Variants in PAIP1 observed in about 807,000 individuals in gnomAD.
PAIP1 encodes poly(A) binding protein interacting protein 1.
PAIP1 carries 16 observed loss-of-function variants against 61.3 expected under a neutral mutation model. The observed-to-expected ratio is 0.26, with a 90% CI of 0.18 to 0.40. PAIP1 has a LOEUF of 0.40. PAIP1 is among the 10% of genes least tolerant of loss of function. The pLI is 1.00. For missense variants in PAIP1, 416 were observed against 600.9 expected (o/e 0.69, Z 3.22); for synonymous variants, 187 against 226.2 (o/e 0.83, Z 1.56).
In PAIP1 at chr5:43,540,750, A is replaced by T. The variant is rs1276045920; in HGVS notation, c.735-1715T>A. On this transcript the variant is annotated intron_variant, in intron 4 of 10. Transcript: ENST00000306846. ...GACAGGATTACAGTACTACAGAAGC[A>T]CATATGGTGGGTAACAGTCAATGAG... 3.3e-5 allele frequency among the ~76,000 whole-genome samples: 5 copies of T among 152,252 alleles called. No homozygotes were observed. In the East Asian group the frequency reaches 9.6e-4, roughly 29 times the overall value.
At chr5:43,537,630 G>A (rs1015670907) in intron 5 of PAIP1, among the ~76,000 whole-genome samples, 2 of 152,032 alleles carry the variant, frequency 1.3e-5, no homozygotes, top group African/African-American at 2.4e-5. Context: ...ATATTATGGC[G>A]TTTACGATCT....
At chr5:43,548,050 A>G (rs1187342327) in intron 2 of PAIP1, 137 bp from the exon 3 acceptor site, 7 of 583,778 alleles carry the variant, frequency 1.2e-5, no homozygotes. Flanking sequence ...AAAATTGTCA[A>G]TTGAGCTATT....
At chr5:43,537,526 A>G (rs2112390425) in intron 5 of PAIP1, among the ~76,000 whole-genome samples, 1 of 152,302 alleles carries the variant, frequency 6.6e-6, no homozygotes, top group South Asian at 2.1e-4. Flanking sequence ...GTAAAAAGGC[A>G]TAGTAAGTTA....
rs532477802 is a variant in PAIP1, at chr5:43,551,154, G to C, written c.436-3241C>G. Among the ~76,000 whole-genome samples the C allele has an allele frequency of 3.9e-5, 6 of 152,248 alleles. No individual in the cohort carries two copies. The South Asian group carries it at 1.0e-3, about 26-fold the overall frequency. ...GGAAAAACAGGATGGGGGAAAGAGG[G>C]TTTGAACAAGGAAGGACCATGCACC... is the stretch of plus-strand genomic sequence containing the variant. On this transcript the variant is annotated intron_variant, in intron 2 of 10. Coordinates refer to ENST00000306846, the MANE Select transcript of PAIP1 (RefSeq NM_006451.5).
At chr5:43,556,171 A>G in intron 1 of PAIP1, 172 bp from the exon 2 acceptor site, 1 of 1,402,896 alleles carries the variant, frequency 7.1e-7, no homozygotes, top group Non-Finnish European at 9.2e-7. Flanking sequence ...AAAAGGAACA[A>G]TAGACTTGCT....
chr5:43,533,411 C>T (rs143592928), intron 9 of PAIP1, among the ~76,000 whole-genome samples: 1,658 of 152,150 alleles, frequency 0.011, 8 homozygotes, highest in Middle Eastern at 0.02. Context: ...ATCGTCTTTC[C>T]CCTCCATTCT....
chr5:43,553,284 A>C (rs1428525318), intron 2 of PAIP1, among the ~76,000 whole-genome samples: 1 of 152,198 alleles, frequency 6.6e-6, no homozygotes, highest in East Asian at 1.9e-4. Context: ...GGAAGAACTG[A>C]AGATAAAAGG....
intron 1 of PAIP1, 73 bp from the exon 2 acceptor site, chr5:43,556,072 A>G (rs1454019515): frequency 3.3e-6 from 5 of 1,520,092 alleles, no homozygotes; most frequent in Non-Finnish European, 4.4e-6. Flanking sequence ...ATACTGAAAA[A>G]CCATCTGAAA....
chr5:43,556,916 G>A lies in PAIP1; in HGVS notation c.-70C>T. On this transcript the variant is annotated 5_prime_UTR_variant, in exon 1 of 11. Coordinates refer to ENST00000306846, the MANE Select transcript of PAIP1 (RefSeq NM_006451.5). ...GCTCGCGATAGGACGCGGGGGGAAG[G>A]CGCCGCGGGTCGGCTATAGCCGCCG... The A allele has an allele frequency of 7.6e-7, 1 of 1,317,688 alleles. No individual in the cohort carries two copies. The highest frequency in any genetic ancestry group is 2.0e-5 in the South Asian group (1 of 49,418). The allele number at this position is 1,317,688 out of a possible 1,614,324, so 81.6% of individuals were successfully genotyped here. A position where few individuals can be genotyped will look rare whatever the true frequency, so the allele number is the denominator to read the frequency against.
In PAIP1 at chr5:43,526,840, G is replaced by T. The variant is rs1325052124; in HGVS notation, c.*536C>A. ...CCCCATGACATTTAAAAAGCCCTTG[G>T]TATCAAATAGCATCTGCATATGTAA... On this transcript the variant is annotated 3_prime_UTR_variant, in exon 11 of 11. Transcript: ENST00000306846. 1 of 151,972 alleles carries T rather than the reference G, an allele frequency of 6.6e-6. No homozygotes were observed. Among genetic ancestry groups the T allele is most frequent in the East Asian group, 1.9e-4 (1 of 5,188 alleles). The allele number at this position is 151,972 out of a possible 1,614,324, so 9.4% of individuals were successfully genotyped here.
intron 3 of PAIP1, among the ~76,000 whole-genome samples, chr5:43,543,641 A>C (rs1022382421): frequency 6.6e-6 from 1 of 152,260 alleles, no homozygotes; most frequent in South Asian, 2.1e-4. Flanking sequence ...CTAACACTTA[A>C]ACACTCCAAG....
chr5:43,536,719 A>G, intron 6 of PAIP1, 100 bp downstream of exon 6: 1 of 538,308 alleles, frequency 1.9e-6, no homozygotes, highest in South Asian at 4.2e-5. Flanking sequence ...ATTTACCTTA[A>G]AGTGATAAAT....
intron 9 of PAIP1, among the ~76,000 whole-genome samples, chr5:43,531,676 A>AAAAAAAAAAAAAAAAAAAAAAGAG: frequency 7.0e-6 from 1 of 143,106 alleles, no homozygotes. Context: ...AAAAAAAAAA[A>AAAAAAAAAAAAAAAAAAAAAAGAG]AGAGAAAAAA....
At chr5:43,536,572 GA>G (rs1287153937) in intron 6 of PAIP1, among the ~76,000 whole-genome samples, 2 of 152,238 alleles carry the variant, frequency 1.3e-5, no homozygotes, top group South Asian at 2.1e-4. Flanking sequence ...ACAGAGATAA[GA>G]AGGGAAGAAG....
chr5:43,555,963 T>C lies in PAIP1; in HGVS notation c.302A>G (p.Gln101Arg). The change falls in exon 2 of 11, where the codon CAG (glutamine) becomes CGG (arginine). Residue 101 changes from glutamine (Q) to arginine (R), a missense_variant. Coordinates refer to ENST00000306846, the MANE Select transcript of PAIP1 (RefSeq NM_006451.5). ...CGAGTTCTGCTGTGGGATTTTATCC[T>C]GTGAACTAGGTGGAGCTCTCAGGGG... ...TRPLRAPPSS[Q>R]DKIPQQNSES... The C allele has an allele frequency of 3.7e-6, 6 of 1,614,096 alleles. No homozygotes were observed. Among genetic ancestry groups the C allele is most frequent in the Admixed American group, 1.7e-5 (1 of 60,012 alleles).
chr5:43,544,146 TAAAA>T (rs568177939), intron 3 of PAIP1, among the ~76,000 whole-genome samples: 2,253 of 72,736 alleles, frequency 0.031, 54 homozygotes, highest in East Asian at 0.2. Context: ...CCCATCTTTT[TAAAA>T]AAAAAAAAAA....
At chr5:43,554,457 C>T (rs1303041554) in intron 2 of PAIP1, among the ~76,000 whole-genome samples, 7 of 152,148 alleles carry the variant, frequency 4.6e-5, no homozygotes, top group Admixed American at 3.3e-4. Context: ...GCTTTTCCTG[C>T]TATGCCTGTA....
At chr5:43,556,117 A>C in intron 1 of PAIP1, 118 bp from the exon 2 acceptor site, 2 of 1,454,912 alleles carry the variant, frequency 1.4e-6, no homozygotes, top group Non-Finnish European at 1.8e-6. Flanking sequence ...AGGAACCATC[A>C]TGAAATTTAT....
chr5:43,536,549 T>C (rs898561866), intron 6 of PAIP1, among the ~76,000 whole-genome samples: 4 of 152,246 alleles, frequency 2.6e-5, no homozygotes, highest in African/African-American at 9.6e-5. Context: ...TCTTATTTAA[T>C]AAGAGCACAT....
Sources: gnomAD v4.1 joint callset for allele counts (sites outside exome capture counted in the v4.1 genomes callset) on GRCh38, gnomAD v4.1.1 for gene constraint, MANE v1.5 for transcripts, NCBI Gene and HGNC (gene_info 2026-07-23, HGNC 2026-07-21) for gene names.